Variants in CDYL2 observed in about 807,000 individuals in gnomAD.
The protein encoded by CDYL2 is chromodomain Y like 2, also known as chromodomain Y-like protein 2.
A neutral mutation model predicts 49.4 loss-of-function variants in CDYL2; 23 were observed. The ratio of observed to expected loss-of-function variants is 0.47; its 90% CI spans 0.34 to 0.66. The LOEUF is 0.66. Ranked by LOEUF, CDYL2 falls within the 30% of genes least tolerant of loss-of-function variation. The pLI, the probability that CDYL2 is intolerant of heterozygous loss-of-function variation, is 0.01. For missense variants in CDYL2, 678 were observed against 656.4 expected (o/e 1.03, Z -0.36); for synonymous variants, 360 against 268.8 (o/e 1.34, Z -3.32).
At chr16:80,628,661 C>A (rs548839101) in intron 3 of CDYL2, among the ~76,000 whole-genome samples, 18 of 145,604 alleles carry the variant, frequency 1.2e-4, no homozygotes, top group African/African-American at 5.1e-4. Context: ...AAGTTTAAAA[C>A]AATCTGCTAC....
chr16:80,729,386 A>C (rs1905258220), intron 1 of CDYL2, among the ~76,000 whole-genome samples: 1 of 152,226 alleles, frequency 6.6e-6, no homozygotes, highest in African/African-American at 2.4e-5. Flanking sequence ...GGATCAATTC[A>C]ACAAGAAGAG....
At position 80,599,029 on chromosome 16, in the gene CDYL2, A is replaced by G. The variant is rs1445379847; in HGVS notation, c.*5359T>C. On this transcript the variant is annotated 3_prime_UTR_variant, in exon 7 of 7. Coordinates refer to ENST00000570137, the MANE Select transcript of CDYL2 (RefSeq NM_152342.4). ...TTAAATACTAGATGGGAAACTCTAC[A>G]CCCTCCAAACTTCCAAGAGTCAGCT... 2 of 152,002 alleles carry G rather than the reference A, an allele frequency of 1.3e-5. No individual in the cohort carries two copies. Among genetic ancestry groups the G allele is most frequent in the African/African-American group, 4.8e-5 (2 of 41,372 alleles). The allele number at this position is 152,002 out of a possible 1,614,324, so 9.4% of individuals were successfully genotyped here. A position where few individuals can be genotyped will look rare whatever the true frequency, so the allele number is the denominator to read the frequency against.
chr16:80,729,793 A>C (rs993305186), intron 1 of CDYL2, among the ~76,000 whole-genome samples: 1 of 152,180 alleles, frequency 6.6e-6, no homozygotes, highest in African/African-American at 2.4e-5. Context: ...CAGGATTAAG[A>C]AACTCACTCA....
intron 2 of CDYL2, among the ~76,000 whole-genome samples, chr16:80,643,228 A>G (rs1908180853): frequency 1.3e-5 from 2 of 152,160 alleles, no homozygotes; most frequent in African/African-American, 2.4e-5. Flanking sequence ...CTCCAAAATG[A>G]TCTCCTTTGA....
At chr16:80,686,837 A>T (rs1004681532) in intron 1 of CDYL2, among the ~76,000 whole-genome samples, 1 of 152,198 alleles carries the variant, frequency 6.6e-6, no homozygotes, top group African/African-American at 2.4e-5. Flanking sequence ...TGTTTCCTTA[A>T]TTAATTTATC....
At chr16:80,784,303 T>A (rs1567605798) in intron 1 of CDYL2, among the ~76,000 whole-genome samples, 2 of 152,232 alleles carry the variant, frequency 1.3e-5, no homozygotes, top group African/African-American at 4.8e-5. Flanking sequence ...TTATGAATGT[T>A]CCTCTGAGTA....
At chr16:80,692,127 G>A (rs75772220) in intron 1 of CDYL2, among the ~76,000 whole-genome samples, 147 of 152,280 alleles carry the variant, frequency 9.7e-4, no homozygotes, top group African/African-American at 3.4e-3. Context: ...GGGCAGAAAC[G>A]CTAATCAAGT....
intron 1 of CDYL2, among the ~76,000 whole-genome samples, chr16:80,750,363 A>T (rs1352083118): frequency 6.6e-6 from 1 of 151,860 alleles, no homozygotes; most frequent in Non-Finnish European, 1.5e-5. Flanking sequence ...AAAATAATTA[A>T]CAGAAATAAA....
At chr16:80,654,082 A>G (rs1451511681) in intron 2 of CDYL2, among the ~76,000 whole-genome samples, 2 of 152,198 alleles carry the variant, frequency 1.3e-5, no homozygotes, top group African/African-American at 2.4e-5. Flanking sequence ...TGCAGGATGG[A>G]GCCACATCTC....
At chr16:80,713,644 T>C (rs902865124) in intron 1 of CDYL2, among the ~76,000 whole-genome samples, 6 of 152,306 alleles carry the variant, frequency 3.9e-5, no homozygotes, top group Non-Finnish European at 7.3e-5. Flanking sequence ...CTTCTAATAA[T>C]GTGACCTTGC....
intron 1 of CDYL2, among the ~76,000 whole-genome samples, chr16:80,724,851 G>C (rs1184251691): frequency 6.6e-6 from 1 of 152,172 alleles, no homozygotes; most frequent in East Asian, 1.9e-4. Context: ...CTTGTCTACA[G>C]TCTTGACCCA....
chr16:80,658,077 G>A (rs1250650006), intron 2 of CDYL2, among the ~76,000 whole-genome samples: 1 of 150,412 alleles, frequency 6.6e-6, no homozygotes, highest in South Asian at 2.1e-4. Context: ...AAAAAAAGAT[G>A]GGAAAATAAC....
intron 1 of CDYL2, among the ~76,000 whole-genome samples, chr16:80,748,860 C>T (rs1228818689): frequency 3.3e-5 from 5 of 152,024 alleles, no homozygotes; most frequent in African/African-American, 9.7e-5. Flanking sequence ...CCAGTTTGGG[C>T]ATGGATACCA....
chr16:80,754,722 C>G (rs910954833), intron 1 of CDYL2, among the ~76,000 whole-genome samples: 4 of 152,194 alleles, frequency 2.6e-5, no homozygotes, highest in African/African-American at 9.7e-5. Flanking sequence ...CATAGCACAC[C>G]TGGCATAGAG....
chr16:80,718,097 T>A (rs916663592), intron 1 of CDYL2, among the ~76,000 whole-genome samples: 1 of 152,140 alleles, frequency 6.6e-6, no homozygotes, highest in Admixed American at 6.5e-5. Context: ...TTCAGAAGGG[T>A]TAAATCAGAG....
chr16:80,637,042 G>A (rs574067753), intron 2 of CDYL2, among the ~76,000 whole-genome samples: 5 of 152,208 alleles, frequency 3.3e-5, no homozygotes, highest in East Asian at 1.9e-4. Context: ...ATCACACACC[G>A]GGGCTTGTCT....
At chr16:80,664,160 C>T (rs1231195184) in intron 2 of CDYL2, among the ~76,000 whole-genome samples, 4 of 152,188 alleles carry the variant, frequency 2.6e-5, no homozygotes, top group Non-Finnish European at 4.4e-5. Flanking sequence ...ATGCCTCCAT[C>T]GTCTGGCCTC....
chr16:80,789,268 C>T (rs1204529090), intron 1 of CDYL2, among the ~76,000 whole-genome samples: 1 of 152,172 alleles, frequency 6.6e-6, no homozygotes, highest in Non-Finnish European at 1.5e-5. Context: ...AATCCCATTA[C>T]TGGGTATCTA....
chr16:80,711,499 T>G (rs945136803), intron 1 of CDYL2, among the ~76,000 whole-genome samples: 1 of 152,132 alleles, frequency 6.6e-6, no homozygotes, highest in East Asian at 1.9e-4. Context: ...ACATTTCCCA[T>G]ACGCAAAAGC....
Sources: allele counts gnomAD v4.1 joint callset (sites outside exome capture counted in the v4.1 genomes callset), GRCh38; gene constraint gnomAD v4.1.1; transcripts MANE v1.5; gene names NCBI Gene and HGNC (gene_info 2026-07-23, HGNC 2026-07-21).